PKHD1L1: variants seen among roughly 807,000 people sequenced by gnomAD.
PKHD1L1 encodes the protein fibrocystin-L.
Under a neutral mutation model 462.9 loss-of-function variants are expected in PKHD1L1, and 434 were observed. That is an observed-to-expected ratio of 0.94 (90% CI 0.87 to 1.02). The LOEUF is 1.02. PKHD1L1 is among the 50% of genes least tolerant of loss of function. The probability of loss-of-function intolerance (pLI) is 0.00; values close to 1 mark genes in which losing one functional copy is unlikely to be tolerated. For missense variants in PKHD1L1, 5,202 were observed against 5,096.1 expected (o/e 1.02, Z -0.63); for synonymous variants, 1,781 against 1,750.0 (o/e 1.02, Z -0.44).
At chr8:109,376,333 G>T (rs796351812) in intron 2 of PKHD1L1, among the ~76,000 whole-genome samples, 2 of 152,204 alleles carry the variant, frequency 1.3e-5, no homozygotes, top group African/African-American at 4.8e-5. Context: ...TGTGCCATTT[G>T]TTAAGCCCGT....
At chr8:109,500,671 C>T (rs866311899) in intron 67 of PKHD1L1, among the ~76,000 whole-genome samples, 39 of 87,872 alleles carry the variant, frequency 4.4e-4, no homozygotes, top group African/African-American at 2.2e-3. Context: ...AAAACTCTGT[C>T]TCAAAAAAAA....
chr8:109,493,935 T>C (rs907733067), intron 63 of PKHD1L1, among the ~76,000 whole-genome samples, 184 bp downstream of exon 63: 1 of 152,032 alleles, frequency 6.6e-6, no homozygotes, highest in East Asian at 1.9e-4. Context: ...AATAGGTTTC[T>C]AAGGAAAACT....
chr8:109,482,720 C>T (rs1350906052), intron 56 of PKHD1L1, among the ~76,000 whole-genome samples: 3 of 151,454 alleles, frequency 2.0e-5, no homozygotes, highest in Non-Finnish European at 3.0e-5. Context: ...ATTCCAGTTT[C>T]CTTGTGTTTC....
chr8:109,368,776 A>C (rs1057418274), intron 2 of PKHD1L1, among the ~76,000 whole-genome samples: 1 of 152,154 alleles, frequency 6.6e-6, no homozygotes, highest in Non-Finnish European at 1.5e-5. Flanking sequence ...TGCTGCTATC[A>C]GGAGACCCAG....
intron 21 of PKHD1L1, among the ~76,000 whole-genome samples, chr8:109,414,340 G>A (rs1814015975): frequency 6.6e-6 from 1 of 152,104 alleles, no homozygotes; most frequent in Non-Finnish European, 1.5e-5. Context: ...AGTTTAGTGA[G>A]TTTTAACACA....
At chr8:109,366,636 C>A (rs933858826) in intron 2 of PKHD1L1, among the ~76,000 whole-genome samples, 3 of 150,982 alleles carry the variant, frequency 2.0e-5, no homozygotes, top group Non-Finnish European at 4.4e-5. Flanking sequence ...ATAAATAGAG[C>A]AGGAGGAAAC....
intron 21 of PKHD1L1, among the ~76,000 whole-genome samples, chr8:109,414,777 A>G (rs1248822685): frequency 6.6e-6 from 1 of 152,084 alleles, no homozygotes; most frequent in East Asian, 1.9e-4. Flanking sequence ...AAAGTTGGAA[A>G]TAGAACCAAA....
chr8:109,484,116 T>C (rs1409722734), intron 57 of PKHD1L1, among the ~76,000 whole-genome samples: 1 of 151,870 alleles, frequency 6.6e-6, no homozygotes, highest in Non-Finnish European at 1.5e-5. Context: ...ATGGTTTTGC[T>C]CTCTTAGTGT....
At chr8:109,461,121 A>G (rs1162900484) in intron 47 of PKHD1L1, among the ~76,000 whole-genome samples, 2 of 152,380 alleles carry the variant, frequency 1.3e-5, no homozygotes, top group South Asian at 2.1e-4. Flanking sequence ...AGCAGAATGC[A>G]TCTTACATGT....
At chr8:109,443,197 C>A in intron 36 of PKHD1L1, 81 bp downstream of exon 36, 1 of 1,322,490 alleles carries the variant, frequency 7.6e-7, no homozygotes. Context: ...TAGCAGATAA[C>A]TGGGTCTAAC....
chr8:109,427,080 C>T lies in PKHD1L1; in HGVS notation c.2924C>T (p.Thr975Ile), dbSNP rs1814793072. 6.2e-7 allele frequency: 1 copy of T among 1,613,972 alleles called. No individual in the cohort carries two copies. The highest frequency in any genetic ancestry group is 8.5e-7 in the Non-Finnish European group (1 of 1,179,864). Residue 975 changes from threonine (T) to isoleucine (I), a missense_variant, in exon 25 of 78, where the codon ACA becomes ATA. Around this residue, in one of 3 missense-constraint regions of PKHD1L1, gnomAD observed 4,497 missense variants for 4,336.8 expected, o/e 1.04. Coordinates refer to ENST00000378402, the MANE Select transcript of PKHD1L1 (RefSeq NM_177531.6). ...GAGGGAATGGGAAGAATCTCAGTTA[C>T]ACGAGAGGGAACCTGTGCTGGCTAC... ...SLEGMGRISV[T>I]REGTCAGYAW...
rs1820387197 is a variant in PKHD1L1, at chr8:109,518,465, G to T, written c.11988G>T (p.Glu3996Asp). Residue 3996 changes from glutamate to aspartate, a missense_variant, in exon 73 of 78, where the codon GAG becomes GAT. Around this residue, in one of 3 missense-constraint regions of PKHD1L1, gnomAD observed 698 missense variants for 736.3 expected, o/e 0.95. Coordinates refer to ENST00000378402, the MANE Select transcript of PKHD1L1 (RefSeq NM_177531.6). The stretch of plus-strand genomic sequence containing the variant: ...CCATGGGATTCATAATTGAAATAGA[G>T]ATTGGAGACCCTCCTATTCAGTTCA... ...KRSMGFIIEI[E>D]IGDPPIQFIS... 6.2e-7 allele frequency: 1 copy of T among 1,607,362 alleles called. No individual in the cohort carries two copies.
At chr8:109,486,868 C>G in intron 59 of PKHD1L1, 47 bp downstream of exon 59, 1 of 1,535,358 alleles carries the variant, frequency 6.5e-7, no homozygotes, top group Non-Finnish European at 8.9e-7. Flanking sequence ...ATAACATTAT[C>G]TCATCTATAT....
chr8:109,536,066 C>T lies in PKHD1L1; in HGVS notation c.*5976C>T, dbSNP rs1257779075. Among the ~76,000 whole-genome samples the T allele has an allele frequency of 6.6e-6, 1 of 152,146 alleles. No homozygotes were observed. The highest frequency in any genetic ancestry group is 1.5e-5 in the Non-Finnish European group (1 of 68,024). ...CCTGTTTCCCTTTGTTAATATATTG[C>T]TAGTAGACATGTCTACTTCTGGTTG... On this transcript the variant is annotated 3_prime_UTR_variant, in exon 78 of 78. Coordinates refer to ENST00000378402, the MANE Select transcript of PKHD1L1 (RefSeq NM_177531.6).
Position 109,532,166 on chromosome 8 carries a change from A to G in PKHD1L1, c.*2076A>G, listed in dbSNP as rs1321228239. ...GTTTTTTGTCAAGATTTTTTCTGTC[A>G]GTTTTTAATAAGGAAATTTTCTAAT... is the stretch of plus-strand genomic sequence containing the variant. On this transcript the variant is annotated 3_prime_UTR_variant, in exon 78 of 78. Coordinates refer to ENST00000378402, the MANE Select transcript of PKHD1L1 (RefSeq NM_177531.6). Among the ~76,000 whole-genome samples the G allele has an allele frequency of 1.3e-5, 2 of 152,172 alleles. No individual in the cohort carries two copies. The highest frequency in any genetic ancestry group is 2.9e-5 in the Non-Finnish European group (2 of 68,010).
chr8:109,443,857 A>C lies in PKHD1L1; in HGVS notation c.4746A>C (p.Ile1582=). Residue 1582 remains isoleucine (I), a synonymous_variant, in exon 37 of 78, where the codon ATA becomes ATC. Coordinates refer to ENST00000378402, the MANE Select transcript of PKHD1L1 (RefSeq NM_177531.6). ...CCACTGGAACAGTAAATGAACTAATAACAATTATTGGACATGGCTTTAGTA... is the reference window on the plus strand; with the variant it reads ...CCACTGGAACAGTAAATGAACTAATCACAATTATTGGACATGGCTTTAGTA... ...TPSTGTVNEL[I]TIIGHGFSNL... 6.2e-7 allele frequency: 1 copy of C among 1,613,814 alleles called. No homozygotes were observed.
intron 25 of PKHD1L1, among the ~76,000 whole-genome samples, chr8:109,427,816 G>A (rs546789036): frequency 7.9e-5 from 12 of 151,924 alleles, no homozygotes; most frequent in Non-Finnish European, 1.6e-4. Flanking sequence ...ACAGGAGTTC[G>A]AGATGAGCCT....
rs370760442 is a variant in PKHD1L1, at chr8:109,385,616, T to C, written c.555T>C (p.Asn185=). Residue 185 remains asparagine (N), a synonymous_variant, in exon 6 of 78, where the codon AAT becomes AAC. Transcript: ENST00000378402. The stretch of plus-strand genomic sequence containing the variant: ...TTGCACTAAGCTCAAATGGGAAAAA[T>C]GTTAGGATTTTGAGGTAATCTTTTG... ...SNIALSSNGK[N]VRILRVYIGG... 1.6e-5 allele frequency: 26 copies of C among 1,586,212 alleles called. No individual in the cohort carries two copies. Among genetic ancestry groups the C allele is most frequent in the Non-Finnish European group, 2.2e-5 (26 of 1,158,242 alleles).
rs1280806182 is a variant in PKHD1L1 at position 109,362,669 on chromosome 8, CGCTAGGCAGGCAA to C, written c.73+19_73+31del. On this transcript the variant is annotated intron_variant, in intron 1 of 77. Coordinates refer to ENST00000378402, the MANE Select transcript of PKHD1L1 (RefSeq NM_177531.6). The stretch of plus-strand genomic sequence containing the variant: ...CCCAGCACAGGTAACCCTTTGGGCA[CGCTAGGCAGGCAA>C]GCAGGAGAGGCCCGCGTAGACACTA... 6.3e-7 allele frequency: 1 copy of C among 1,587,170 alleles called. No homozygotes were observed. Among genetic ancestry groups the C allele is most frequent in the East Asian group, 2.3e-5 (1 of 43,722 alleles).
Sources: allele counts gnomAD v4.1 joint callset (sites outside exome capture counted in the v4.1 genomes callset), GRCh38; gene constraint gnomAD v4.1.1; regional missense constraint gnomAD v4.1.1; transcripts MANE v1.5; gene names NCBI Gene and HGNC (gene_info 2026-07-23, HGNC 2026-07-21).